MEIS2: variants seen among roughly 807,000 people sequenced by gnomAD.
MEIS2 encodes Meis homeobox 2.
In MEIS2, 9 loss-of-function variants were observed where a neutral mutation model predicts 58.6. That is an observed-to-expected ratio of 0.15 (90% CI 0.09 to 0.27). The LOEUF is 0.27. Among genes scored for constraint, MEIS2 ranks in the 10% least tolerant of loss-of-function variants. The pLI is 1.00. For missense variants in MEIS2, 427 were observed against 635.0 expected (o/e 0.67, Z 3.52); for synonymous variants, 221 against 228.4 (o/e 0.97, Z 0.29).
At chr15:36,895,319 C>A in intron 10 of MEIS2, 58 bp from the exon 11 acceptor site, 1 of 1,440,280 alleles carries the variant, frequency 6.9e-7, no homozygotes, top group East Asian at 2.3e-5. Flanking sequence ...ACCAAACAAT[C>A]AGCAATTGTT....
intron 8 of MEIS2, among the ~76,000 whole-genome samples, chr15:36,987,401 C>A (rs1006521634): frequency 7.8e-5 from 7 of 90,282 alleles, no homozygotes; most frequent in East Asian, 3.6e-4. Flanking sequence ...GAGCAAGACC[C>A]TGTCTCAAAA....
At chr15:37,098,636 C>G (rs1189184083) in intron 1 of MEIS2, 1 of 193,324 alleles carries the variant, frequency 5.2e-6, no homozygotes, top group Non-Finnish European at 9.6e-6. Flanking sequence ...CGGGAGGCCC[C>G]GCTCCCGCCG....
chr15:36,996,079 ATT>A (rs1328916172), intron 8 of MEIS2, among the ~76,000 whole-genome samples: 1 of 139,198 alleles, frequency 7.2e-6, no homozygotes, highest in Non-Finnish European at 1.6e-5. Flanking sequence ...ATATATATAT[ATT>A]TTTAAATATT....
chr15:37,097,896 C>T, intron 2 of MEIS2, 71 bp downstream of exon 2: 1 of 1,490,426 alleles, frequency 6.7e-7, no homozygotes, highest in Non-Finnish European at 9.0e-7. Flanking sequence ...GTCCACCTTC[C>T]CACCCCCACA....
intron 8 of MEIS2, among the ~76,000 whole-genome samples, chr15:36,996,548 C>T (rs1033372941): frequency 1.3e-5 from 2 of 152,162 alleles, no homozygotes; most frequent in Non-Finnish European, 1.5e-5. Context: ...ATCATAATTA[C>T]GTGTTTCTTC....
chr15:36,985,335 C>A (rs186858127), intron 8 of MEIS2, among the ~76,000 whole-genome samples: 42 of 152,274 alleles, frequency 2.8e-4, no homozygotes, highest in African/African-American at 9.6e-4. Flanking sequence ...TTTAATCTTG[C>A]TCTTGTGCCT....
At chr15:37,006,766 T>A (rs2060938247) in intron 8 of MEIS2, among the ~76,000 whole-genome samples, 2 of 152,232 alleles carry the variant, frequency 1.3e-5, no homozygotes, top group Non-Finnish European at 2.9e-5. Context: ...AATGCCTGAA[T>A]AAAAGTAAAA....
chr15:37,101,012 C>G (rs1438327247), upstream of MEIS2: 2 of 151,998 alleles, frequency 1.3e-5, no homozygotes, highest in Non-Finnish European at 2.9e-5. Flanking sequence ...CTCTGCCCGC[C>G]GATTACAGCA....
At chr15:36,983,383 C>T (rs1353356850) in intron 8 of MEIS2, among the ~76,000 whole-genome samples, 1 of 152,062 alleles carries the variant, frequency 6.6e-6, no homozygotes, top group Non-Finnish European at 1.5e-5. Context: ...GTTTTTGCAA[C>T]ACCATTTATT....
intron 7 of MEIS2, among the ~76,000 whole-genome samples, chr15:37,080,713 T>A (rs1459127967): frequency 6.6e-6 from 1 of 152,146 alleles, no homozygotes; most frequent in African/African-American, 2.4e-5. Flanking sequence ...ATTTTCTTCC[T>A]CCGTCTAATG....
At chr15:36,955,011 A>G (rs972002913) in intron 8 of MEIS2, among the ~76,000 whole-genome samples, 1 of 152,200 alleles carries the variant, frequency 6.6e-6, no homozygotes, top group Non-Finnish European at 1.5e-5. Context: ...TCATTTATTG[A>G]TCTAGGACTA....
At chr15:36,963,461 A>C (rs1226938342) in intron 8 of MEIS2, among the ~76,000 whole-genome samples, 1 of 152,080 alleles carries the variant, frequency 6.6e-6, no homozygotes, top group African/African-American at 2.4e-5. Context: ...TCCATTTAGC[A>C]CCAAGTCTGA....
intron 9 of MEIS2, among the ~76,000 whole-genome samples, chr15:36,931,616 A>G (rs1367271854): frequency 6.6e-6 from 1 of 152,184 alleles, no homozygotes; most frequent in Admixed American, 6.5e-5. Flanking sequence ...CAATTAGGGA[A>G]GTGCCCCGGA....
At chr15:36,983,455 A>AAGTGC (rs2059995333) in intron 8 of MEIS2, among the ~76,000 whole-genome samples, 1 of 152,084 alleles carries the variant, frequency 6.6e-6, no homozygotes, top group African/African-American at 2.4e-5. Flanking sequence ...AATTGACTGT[A>AAGTGC]AGTGCATAGA....
intron 7 of MEIS2, among the ~76,000 whole-genome samples, chr15:37,069,444 T>C (rs1197465088): frequency 6.6e-6 from 1 of 152,196 alleles, no homozygotes; most frequent in African/African-American, 2.4e-5. Flanking sequence ...CAACTTTTTC[T>C]CATCATATGG....
At chr15:37,018,339 T>C (rs997300628) in intron 8 of MEIS2, among the ~76,000 whole-genome samples, 16 of 152,336 alleles carry the variant, frequency 1.1e-4, no homozygotes, top group African/African-American at 2.2e-4. Flanking sequence ...CTTTACAGCA[T>C]AGGACCTTGC....
At chr15:36,911,328 A>G (rs1202585710) in intron 9 of MEIS2, among the ~76,000 whole-genome samples, 3 of 152,026 alleles carry the variant, frequency 2.0e-5, no homozygotes, top group African/African-American at 7.2e-5. Flanking sequence ...TATCACATAT[A>G]TACATATATA....
At chr15:37,017,508 G>T (rs1003030974) in intron 8 of MEIS2, among the ~76,000 whole-genome samples, 1 of 152,132 alleles carries the variant, frequency 6.6e-6, no homozygotes, top group Non-Finnish European at 1.5e-5. Flanking sequence ...CTACTTGGAA[G>T]GCTGAGGTGC....
chr15:37,024,050 T>C (rs537782148), intron 8 of MEIS2, among the ~76,000 whole-genome samples: 1 of 151,526 alleles, frequency 6.6e-6, no homozygotes, highest in Non-Finnish European at 1.5e-5. Context: ...GCTGGGATTA[T>C]AGGCACCCAG....
Sources: gnomAD v4.1 joint callset for allele counts (sites outside exome capture counted in the v4.1 genomes callset) on GRCh38, gnomAD v4.1.1 for gene constraint, MANE v1.5 for transcripts, NCBI Gene and HGNC (gene_info 2026-07-23, HGNC 2026-07-21) for gene names.